The following LRP1 variants were observed in gnomAD, a reference collection of about 807,000 sequenced individuals.
LRP1 encodes LDL receptor related protein 1, also known as prolow-density lipoprotein receptor-related protein 1.
A neutral mutation model predicts 541.5 loss-of-function variants in LRP1; 51 were observed. That is an observed-to-expected ratio of 0.09 (90% CI 0.08 to 0.12). LRP1 has a LOEUF of 0.12. LRP1 is among the 10% of genes least tolerant of loss of function. The probability of loss-of-function intolerance (pLI) is 1.00; values close to 1 mark genes in which losing one functional copy is unlikely to be tolerated. For synonymous variants in LRP1, 2,219 were observed against 2,470.8 expected, an observed-to-expected ratio of 0.90 and a Z score of 3.02; for missense variants, 3,878 against 6,376.2, an observed-to-expected ratio of 0.61 and a Z score of 13.34.
Position 57,173,907 on chromosome 12 carries a change from C to T in LRP1, c.3474C>T (p.Val1158=). 1 of 1,614,246 alleles carries T rather than the reference C, an allele frequency of 6.2e-7. No homozygotes were observed. The highest frequency in any genetic ancestry group is 8.5e-7 in the Non-Finnish European group (1 of 1,180,046). ...ACCCTTGTGCCAACAACACCTCAGT[C>T]TGCCTGCCCCCTGACAAGCTGTGTG... ...PSHPCANNTS[V]CLPPDKLCDG... Residue 1158 remains valine, a synonymous_variant, in exon 22 of 89, where the codon GTC becomes GTT. Transcript: ENST00000243077. This position sits in a 1 kb window ranked among gnomAD's most constrained non-coding sequence, Gnocchi z 4.7.
chr12:57,204,373 A>G lies in LRP1; in HGVS notation c.10952-37A>G. The G allele has an allele frequency of 6.6e-7, 1 of 1,508,310 alleles. No individual in the cohort carries two copies. The highest frequency in any genetic ancestry group is 8.9e-7 in the Non-Finnish European group (1 of 1,127,718). 93.4% of individuals were successfully genotyped at this position (1,508,310 alleles called of 1,614,324 possible). Reference sequence around the variant, plus strand: ...TGGAGACAGGGGTCTGGGTGGGCTCATGGCTCATTCTATCTCTTGGCTCCC... The same window carrying G: ...TGGAGACAGGGGTCTGGGTGGGCTCGTGGCTCATTCTATCTCTTGGCTCCC... On this transcript the variant is annotated intron_variant, in intron 70 of 88. Transcript: ENST00000243077. The surrounding 1 kb of genome is among the most constrained non-coding windows in gnomAD (Gnocchi z 5.3).
Position 57,212,035 on chromosome 12 carries a change from TG to T in LRP1, c.13349+20del. The T allele has an allele frequency of 6.2e-7, 1 of 1,613,988 alleles. No individual in the cohort carries two copies. The highest frequency in any genetic ancestry group is 1.3e-5 in the African/African-American group (1 of 75,034). ...GTCCAAGGGTGAGTCACAGGGATTC[TG>T]GAACATTCTGGTCATTATTTTGCCA... On this transcript the variant is annotated intron_variant, in intron 87 of 88. Transcript: ENST00000243077. The surrounding 1 kb of genome is among the most constrained non-coding windows in gnomAD (Gnocchi z 5.0).
At chr12:57,192,365 G>T (rs1226776193) in intron 44 of LRP1, among the ~76,000 whole-genome samples, 1 of 152,112 alleles carries the variant, frequency 6.6e-6, no homozygotes, top group Non-Finnish European at 1.5e-5. Context: ...GCCCCTCAGG[G>T]CTCATCCATG....
In LRP1 at chr12:57,191,475, C is replaced by T. The variant is rs776823727; in HGVS notation, c.7392C>T (p.Pro2464=). The part of the protein sequence containing the change: ...KLLRVDIPQQ[P]MGIIAVANDT... ...TGCGCGTGGACATCCCCCAGCAGCC[C>T]ATGGGCATCATCGCCGTGGCCAACG... is the stretch of plus-strand genomic sequence containing the variant. The change falls in exon 44 of 89, where the codon CCC becomes CCT. Residue 2464 remains proline (P), a synonymous_variant. Transcript: ENST00000243077. The T allele has an allele frequency of 7.5e-5, 121 of 1,603,452 alleles. No individual in the cohort carries two copies. The East Asian group carries it at 2.6e-3, about 34-fold the overall frequency.
rs1224867345 is a variant in LRP1 at position 57,189,667 on chromosome 12, C to T, written c.7032-1138C>T. 1.3e-5 allele frequency among the ~76,000 whole-genome samples: 2 copies of T among 150,372 alleles called. No homozygotes were observed. The highest frequency in any genetic ancestry group is 2.9e-5 in the Non-Finnish European group (2 of 67,800). On this transcript the variant is annotated intron_variant, in intron 42 of 88. Coordinates refer to ENST00000243077, the MANE Select transcript of LRP1 (RefSeq NM_002332.3). The surrounding 1 kb of genome is among the most constrained non-coding windows in gnomAD (Gnocchi z 4.4). ...CAAGTTCACAGGCCAGAGGACAGAT[C>T]TGTGGCCAGAATGGTGAGGGGCAGA...
Position 57,183,213 on chromosome 12 carries a change from C to T in LRP1, c.5663-166C>T, listed in dbSNP as rs1480775369. Among the ~76,000 whole-genome samples, 1 of 152,010 alleles carries T rather than the reference C, an allele frequency of 6.6e-6. No homozygotes were observed. Among genetic ancestry groups the T allele is most frequent in the African/African-American group, 2.4e-5 (1 of 41,354 alleles). ...ACCAGCCAGGTGCGCTTCCTCCCGG[C>T]CCATGCTCTGGCCTCAGGCTAGGGT... On this transcript the variant is annotated intron_variant, in intron 34 of 88. Coordinates refer to ENST00000243077, the MANE Select transcript of LRP1 (RefSeq NM_002332.3). The surrounding 1 kb of genome is among the most constrained non-coding windows in gnomAD (Gnocchi z 6.1).
In LRP1 at chr12:57,189,266, G is replaced by C. The variant is rs2036329050; in HGVS notation, c.7032-1539G>C. 1.3e-5 allele frequency among the ~76,000 whole-genome samples: 2 copies of C among 152,184 alleles called. No homozygotes were observed. Among genetic ancestry groups the C allele is most frequent in the Non-Finnish European group, 2.9e-5 (2 of 68,030 alleles). ...GAAAACCACTTCTCACTGCAGGTGT[G>C]AGTAGTTTCACCTGAGGTGTAGGAG... is the stretch of plus-strand genomic sequence containing the variant. On this transcript the variant is annotated intron_variant, in intron 42 of 88. Coordinates refer to ENST00000243077, the MANE Select transcript of LRP1 (RefSeq NM_002332.3). This position sits in a 1 kb window ranked among gnomAD's most constrained non-coding sequence, Gnocchi z 4.4.
intron 64 of LRP1, 37 bp from the exon 65 acceptor site, chr12:57,200,997 T>C: frequency 6.2e-7 from 1 of 1,613,758 alleles, no homozygotes; most frequent in Middle Eastern, 1.7e-4. Flanking sequence ...CCCTGAGTCC[T>C]CCCTTCGCCA....
chr12:57,171,806 C>A (rs1223292669), intron 20 of LRP1, among the ~76,000 whole-genome samples: 1 of 152,058 alleles, frequency 6.6e-6, no homozygotes, highest in Non-Finnish European at 1.5e-5. Context: ...GAGTGTGGGG[C>A]TCCACCAGGC....
At position 57,138,048 on chromosome 12, in the gene LRP1, G is replaced by C. The variant is rs570391409; in HGVS notation, c.68-411G>C. Among the ~76,000 whole-genome samples the C allele has an allele frequency of 9.2e-5, 14 of 152,194 alleles. No homozygotes were observed. The South Asian group carries it at 2.7e-3, about 29-fold the overall frequency. ...GAGAGGTTAGATAAGACCAGCTCGGGGCCTCTAGTAGTAGGAGTTAGAGGA... is the reference window on the plus strand; with the variant it reads ...GAGAGGTTAGATAAGACCAGCTCGGCGCCTCTAGTAGTAGGAGTTAGAGGA... On this transcript the variant is annotated intron_variant, in intron 1 of 88. Transcript: ENST00000243077.
chr12:57,154,587 C>G lies in LRP1; in HGVS notation c.1113C>G (p.Gly371=). Reference sequence around the variant, plus strand: ...ACAGCAAGATTGTGTTTCCTCATGGCATCACGCTGGACCTGGTCAGCCGCC... The same window carrying G: ...ACAGCAAGATTGTGTTTCCTCATGGGATCACGCTGGACCTGGTCAGCCGCC... ...LVDSKIVFPH[G]ITLDLVSRLV... Residue 371 remains glycine (G), a synonymous_variant, in exon 8 of 89, where the codon GGC becomes GGG. Transcript: ENST00000243077. This position sits in a 1 kb window ranked among gnomAD's most constrained non-coding sequence, Gnocchi z 4.6. 6.2e-7 allele frequency: 1 copy of G among 1,613,618 alleles called. No homozygotes were observed. Among genetic ancestry groups the G allele is most frequent in the East Asian group, 2.2e-5 (1 of 44,878 alleles).
rs996807697 is a variant in LRP1, at chr12:57,183,034, T to C, written c.5663-345T>C. Among the ~76,000 whole-genome samples, 1 of 152,144 alleles carries C rather than the reference T, an allele frequency of 6.6e-6. No individual in the cohort carries two copies. The highest frequency in any genetic ancestry group is 1.5e-5 in the Non-Finnish European group (1 of 68,018). The stretch of plus-strand genomic sequence containing the variant: ...TTTTGGAGTCACCTAGTCCTGATTG[T>C]CTGGTCTGAACTCCCAGACTTTCCC... On this transcript the variant is annotated intron_variant, in intron 34 of 88. Transcript: ENST00000243077. This position sits in a 1 kb window ranked among gnomAD's most constrained non-coding sequence, Gnocchi z 6.1.
chr12:57,194,815 C>A, intron 50 of LRP1, 116 bp downstream of exon 50: 1 of 1,349,460 alleles, frequency 7.4e-7, no homozygotes, highest in South Asian at 1.4e-5. Flanking sequence ...ACCCCCTGCC[C>A]CACACCCCAA....
chr12:57,205,348 C>A lies in LRP1; in HGVS notation c.11336-3C>A. 1 of 1,601,876 alleles carries A rather than the reference C, an allele frequency of 6.2e-7. No individual in the cohort carries two copies. Among genetic ancestry groups the A allele is most frequent in the Non-Finnish European group, 8.5e-7 (1 of 1,174,584 alleles). On this transcript the variant is annotated splice_region_variant and splice_polypyrimidine_tract_variant and intron_variant, in intron 73 of 88. Coordinates refer to ENST00000243077, the MANE Select transcript of LRP1 (RefSeq NM_002332.3). This position sits in a 1 kb window ranked among gnomAD's most constrained non-coding sequence, Gnocchi z 4.6. Reference sequence around the variant, plus strand: ...GAGGGCATCCACTCTCTGTCCCCCACAGACCCCAAGCTGACCAGCTGCGCC... The same window carrying A: ...GAGGGCATCCACTCTCTGTCCCCCAAAGACCCCAAGCTGACCAGCTGCGCC...
Position 57,162,347 on chromosome 12 carries a change from G to A in LRP1, c.2233G>A (p.Ala745Thr), listed in dbSNP as rs1450617228. The change falls in exon 14 of 89, where the codon GCC becomes ACC. Residue 745 changes from alanine (A) to threonine (T), a missense_variant. Ala to Thr is a moderately conservative substitution (Grantham distance 58). This residue lies in a region of LRP1 where 496 missense variants were observed against 861.0 expected (regional missense o/e 0.58). Coordinates refer to ENST00000243077, the MANE Select transcript of LRP1 (RefSeq NM_002332.3). The surrounding 1 kb of genome is among the most constrained non-coding windows in gnomAD (Gnocchi z 5.2). ...GTATGAAGGTCCTGAGCTGAACCAC[G>A]CCTTTGGCCTGTGTCACCATGGCAA... ...IVYEGPELNH[A>T]FGLCHHGNYL... 3 of 1,613,984 alleles carry A rather than the reference G, an allele frequency of 1.9e-6. No individual in the cohort carries two copies. The highest frequency in any genetic ancestry group is 2.5e-6 in the Non-Finnish European group (3 of 1,180,016).
In LRP1 at chr12:57,194,360, C is replaced by T; in HGVS notation, c.7925C>T (p.Thr2642Ile). ...TCACCCCTGCCCCCACCAGGTGCCA[C>T]CGACTGCAGCAGCTACTTCCGCCTG... ...DASDEMNCSATDCSSYFRLGV... is the reference protein window; with the variant it reads ...DASDEMNCSAIDCSSYFRLGV... The change falls in exon 49 of 89, where the codon ACC (threonine) becomes ATC (isoleucine). Residue 2642 changes from threonine to isoleucine, a missense_variant. Thr to Ile is a moderately conservative substitution (Grantham distance 89, BLOSUM62 -1). This residue lies in a region of LRP1 where 1,100 missense variants were observed against 1,827.4 expected (regional missense o/e 0.60). Transcript: ENST00000243077. The T allele has an allele frequency of 6.6e-7, 1 of 1,510,398 alleles. No homozygotes were observed. Among genetic ancestry groups the T allele is most frequent in the Non-Finnish European group, 8.8e-7 (1 of 1,130,626 alleles). 93.6% of individuals were successfully genotyped at this position (1,510,398 alleles called of 1,614,324 possible).
chr12:57,188,754 C>T (rs892989487), intron 42 of LRP1, among the ~76,000 whole-genome samples: 1 of 152,136 alleles, frequency 6.6e-6, no homozygotes, highest in African/African-American at 2.4e-5. Flanking sequence ...CAGTGGGGAG[C>T]GCGAGGGGCG....
At chr12:57,196,876 C>G in intron 55 of LRP1, 106 bp from the exon 56 acceptor site, 2 of 980,582 alleles carry the variant, frequency 2.0e-6, no homozygotes, top group Non-Finnish European at 3.0e-6. Flanking sequence ...ATGCTGCTGC[C>G]CCTAGTGAGG....
chr12:57,129,567 GGGCGTGGAATCGACCCCAGAGCCCC>G (rs1432963642), intron 1 of LRP1, among the ~76,000 whole-genome samples: 2 of 152,156 alleles, frequency 1.3e-5, no homozygotes, highest in Admixed American at 6.5e-5. Context: ...CCCCCTGCTT[GGGCGTGGAATCGACCCCAGAGCCCC>G]GGCTGGAGGC....
Sources: allele counts gnomAD v4.1 joint callset (sites outside exome capture counted in the v4.1 genomes callset), GRCh38; gene constraint gnomAD v4.1.1; regional missense constraint gnomAD v4.1.1; non-coding constraint Gnocchi (gnomAD v3.1); transcripts MANE v1.5; gene names NCBI Gene and HGNC (gene_info 2026-07-23, HGNC 2026-07-21).